The following GNAS variants were observed in gnomAD, a reference collection of about 807,000 sequenced individuals.
GNAS encodes the protein protein ALEX.
GNAS carries 8 observed loss-of-function variants against 54.5 expected under a neutral mutation model. The ratio of observed to expected loss-of-function variants is 0.15; its 90% CI spans 0.09 to 0.26. The LOEUF is 0.26. Among genes scored for constraint, GNAS ranks in the 10% least tolerant of loss-of-function variants. The probability of loss-of-function intolerance (pLI) is 1.00; values close to 1 mark genes in which losing one functional copy is unlikely to be tolerated. For missense variants in GNAS, 170 were observed against 529.8 expected (o/e 0.32, Z 6.67); for synonymous variants, 204 against 191.4 (o/e 1.07, Z -0.54).
chr20:58,853,287 T>C lies in GNAS; in HGVS notation c.43+12401T>C. 8 of 1,549,120 alleles carry C rather than the reference T, an allele frequency of 5.2e-6. No individual in the cohort carries two copies. Among genetic ancestry groups the C allele is most frequent in the Non-Finnish European group, 6.1e-6 (7 of 1,145,846 alleles). On this transcript the variant is annotated intron_variant, in intron 1 of 12. Transcript: ENST00000306090. The surrounding 1 kb of genome is among the most constrained non-coding windows in gnomAD (Gnocchi z 4.4). ...TGTTATGGGCGTGCGCAACTGCCTCTACGGCAATAATATGTCAGGACAACG... is the reference window on the plus strand; with the variant it reads ...TGTTATGGGCGTGCGCAACTGCCTCCACGGCAATAATATGTCAGGACAACG...
chr20:58,843,614 T>C (rs187975222), intron 1 of GNAS, among the ~76,000 whole-genome samples: 1 of 152,324 alleles, frequency 6.6e-6, no homozygotes, highest in Non-Finnish European at 1.5e-5. Context: ...CATAGGTGAA[T>C]TACCAGCCAC....
At position 58,891,772 on chromosome 20, in the gene GNAS, G is replaced by C; in HGVS notation, c.46G>C (p.Glu16Gln). The change falls in exon 1 of 13, where the codon GAG becomes CAG. Residue 16 changes from glutamate (E) to glutamine (Q), a missense_variant. Coordinates refer to ENST00000371085, the MANE Select transcript of GNAS (RefSeq NM_000516.7). ...NSKTEDQRNE[E>Q]KAQREANKKI... Reference sequence around the variant, plus strand: ...TAAGACCGAGGACCAGCGCAACGAGGAGAAGGCGCAGCGTGAGGCCAACAA... The same window carrying C: ...TAAGACCGAGGACCAGCGCAACGAGCAGAAGGCGCAGCGTGAGGCCAACAA... The C allele has an allele frequency of 7.8e-7, 1 of 1,276,238 alleles. No homozygotes were observed. The highest frequency in any genetic ancestry group is 1.0e-6 in the Non-Finnish European group (1 of 971,028). 79.1% of individuals were successfully genotyped at this position (1,276,238 alleles called of 1,614,324 possible).
At chr20:58,845,109 G>A (rs1275964672) in intron 1 of GNAS, among the ~76,000 whole-genome samples, 1 of 152,162 alleles carries the variant, frequency 6.6e-6, no homozygotes, top group African/African-American at 2.4e-5. Context: ...GCAGGAGCAG[G>A]CAGCAAGGTT....
chr20:58,883,090 A>G (rs1391659961), intron 1 of GNAS: 1 of 152,198 alleles, frequency 6.6e-6, no homozygotes, highest in Non-Finnish European at 1.5e-5. Flanking sequence ...ATGGCCCCCA[A>G]AAGCAACACA....
intron 1 of GNAS, among the ~76,000 whole-genome samples, chr20:58,842,966 G>A (rs745698925): frequency 5.9e-5 from 9 of 152,024 alleles, no homozygotes; most frequent in Non-Finnish European, 2.9e-5. Context: ...CCTCCGTGTC[G>A]AGCCCACACC....
At position 58,910,561 on chromosome 20, in the gene GNAS, G is replaced by C; in HGVS notation, c.1039-122G>C. 7.7e-7 allele frequency: 1 copy of C among 1,304,586 alleles called. No homozygotes were observed. Among genetic ancestry groups the C allele is most frequent in the Non-Finnish European group, 1.1e-6 (1 of 909,732 alleles). 80.8% of individuals were successfully genotyped at this position (1,304,586 alleles called of 1,614,324 possible). A position where few individuals can be genotyped will look rare whatever the true frequency, so the allele number is the denominator to read the frequency against. The stretch of plus-strand genomic sequence containing the variant: ...TTGAGCTCTTTGCGCCCCTCTTTTT[G>C]CTTTTGTTTTCATATGACATCAGAG... On this transcript the variant is annotated intron_variant, in intron 12 of 12. Transcript: ENST00000371085. The surrounding 1 kb of genome is among the most constrained non-coding windows in gnomAD (Gnocchi z 5.8).
chr20:58,842,237 G>A (rs1377821674), intron 1 of GNAS: 2 of 398,408 alleles, frequency 5.0e-6, no homozygotes, highest in Non-Finnish European at 8.8e-6. Context: ...AGACTGATAA[G>A]TGAAATGTCT....
chr20:58,901,942 G>C (rs1454187931), intron 3 of GNAS, among the ~76,000 whole-genome samples: 1 of 149,938 alleles, frequency 6.7e-6, no homozygotes, highest in Non-Finnish European at 1.5e-5. Flanking sequence ...CTTAACTGTC[G>C]TGTTCTAGTC....
At chr20:58,882,189 C>G (rs901626767) in intron 1 of GNAS, among the ~76,000 whole-genome samples, 5 of 152,184 alleles carry the variant, frequency 3.3e-5, no homozygotes, top group Non-Finnish European at 7.4e-5. Context: ...CCGCCTCAGC[C>G]TCCCGAGTAG....
chr20:58,881,726 G>T (rs958865705), intron 1 of GNAS: 1 of 152,136 alleles, frequency 6.6e-6, no homozygotes, highest in Non-Finnish European at 1.5e-5. Context: ...ATACCCGGGG[G>T]TAATCATACC....
intron 6 of GNAS, among the ~76,000 whole-genome samples, chr20:58,908,305 A>G (rs944911653): frequency 6.6e-6 from 1 of 152,204 alleles, no homozygotes; most frequent in Non-Finnish European, 1.5e-5. Flanking sequence ...GTGTCTAGTC[A>G]AGCAACACAA....
At chr20:58,904,383 A>G (rs773723128) in intron 5 of GNAS, among the ~76,000 whole-genome samples, 21 of 152,228 alleles carry the variant, frequency 1.4e-4, no homozygotes, top group Admixed American at 5.9e-4. Flanking sequence ...TATCTAAATC[A>G]TAACTCAAAA....
chr20:58,857,680 GAC>G lies in GNAS; in HGVS notation c.43+16798_43+16799del, dbSNP rs1173273947. 2.6e-5 allele frequency among the ~76,000 whole-genome samples: 4 copies of G among 152,158 alleles called. No homozygotes were observed. Among genetic ancestry groups the G allele is most frequent in the African/African-American group, 7.2e-5 (3 of 41,426 alleles). ...CTTCCTGGAGGTGGGGGGTGGAGGAGACACAGTCTACTTACATCAGGACTGGA... is the reference window on the plus strand; with the variant it reads ...CTTCCTGGAGGTGGGGGGTGGAGGAGACAGTCTACTTACATCAGGACTGGA... On this transcript the variant is annotated intron_variant, in intron 1 of 12. Transcript: ENST00000306090. The surrounding 1 kb of genome is among the most constrained non-coding windows in gnomAD (Gnocchi z 4.1).
chr20:58,853,002 G>A lies in GNAS; in HGVS notation c.43+12116G>A. Reference sequence around the variant, plus strand: ...CGTAAGGATAGACCAAGGAAGAGGGGCTGGGGGGCAGCCTGGGGGCATGAA... The same window carrying A: ...CGTAAGGATAGACCAAGGAAGAGGGACTGGGGGGCAGCCTGGGGGCATGAA... On this transcript the variant is annotated intron_variant, in intron 1 of 12. Transcript: ENST00000306090. This position sits in a 1 kb window ranked among gnomAD's most constrained non-coding sequence, Gnocchi z 4.4. 7.8e-7 allele frequency: 1 copy of A among 1,279,848 alleles called. No individual in the cohort carries two copies. The highest frequency in any genetic ancestry group is 2.2e-5 in the South Asian group (1 of 45,824). 79.3% of individuals were successfully genotyped at this position (1,279,848 alleles called of 1,614,324 possible).
In GNAS at chr20:58,853,918, C is replaced by T. The variant is rs1354669859; in HGVS notation, c.43+13032C>T. 9 of 1,609,726 alleles carry T rather than the reference C, an allele frequency of 5.6e-6. No homozygotes were observed. Among genetic ancestry groups the T allele is most frequent in the Non-Finnish European group, 7.6e-6 (9 of 1,178,482 alleles). On this transcript the variant is annotated intron_variant, in intron 1 of 12. Transcript: ENST00000306090. This position sits in a 1 kb window ranked among gnomAD's most constrained non-coding sequence, Gnocchi z 4.4. The stretch of plus-strand genomic sequence containing the variant: ...GCTGGCTCCAGAGGAGGCTACAGCC[C>T]TCCCCCTGAGGAGACTATGCCATTT...
At chr20:58,906,906 T>TA (rs1320185904) in intron 6 of GNAS, among the ~76,000 whole-genome samples, 1 of 152,230 alleles carries the variant, frequency 6.6e-6, no homozygotes, top group African/African-American at 2.4e-5. Flanking sequence ...TATTCTGAAG[T>TA]AGGAGTGTCC....
Position 58,903,900 on chromosome 20 carries a change from A to G in GNAS, c.432+109A>G, listed in dbSNP as rs780997985. ...ACATGGGCAGGAGCATCCAAACCAC[A>G]CTTCAGGCAAAACTACATTTCAGTG... is the stretch of plus-strand genomic sequence containing the variant. On this transcript the variant is annotated intron_variant, in intron 5 of 12. Transcript: ENST00000371085. 2.7e-6 allele frequency: 3 copies of G among 1,119,106 alleles called. No homozygotes were observed. In the African/African-American group the frequency reaches 4.6e-5, roughly 17 times the overall value. The allele number at this position is 1,119,106 out of a possible 1,614,324, so 69.3% of individuals were successfully genotyped here.
intron 6 of GNAS, 192 bp from the exon 7 acceptor site, chr20:58,908,970 C>A: frequency 1.4e-6 from 1 of 740,296 alleles, no homozygotes; most frequent in Non-Finnish European, 2.5e-6. Context: ...ATCCTGTTTG[C>A]CCTAACCTTC....
At chr20:58,891,231 C>T (rs1430197935), upstream of GNAS, 2 of 148,180 alleles carry the variant, frequency 1.3e-5, no homozygotes, top group African/African-American at 2.5e-5. Flanking sequence ...CGCCGGCTCC[C>T]GCCCTCCCAG....
Sources: allele counts gnomAD v4.1 joint callset (sites outside exome capture counted in the v4.1 genomes callset), GRCh38; gene constraint gnomAD v4.1.1; non-coding constraint Gnocchi (gnomAD v3.1); transcripts MANE v1.5; gene names NCBI Gene and HGNC (gene_info 2026-07-23, HGNC 2026-07-21).